Variants in SHISA6 observed in about 807,000 individuals in gnomAD.
SHISA6 encodes shisa family member 6, also known as protein shisa-6.
In SHISA6, 22 loss-of-function variants were observed where a neutral mutation model predicts 47.9. The ratio of observed to expected loss-of-function variants is 0.46; its 90% confidence interval spans 0.33 to 0.66. The LOEUF (loss-of-function observed/expected upper bound fraction) is 0.66. SHISA6 is among the 30% of genes least tolerant of loss of function. The probability of loss-of-function intolerance (pLI) is 0.02; values close to 1 mark genes in which losing one functional copy is unlikely to be tolerated. For missense variants in SHISA6, 680 were observed against 764.6 expected (o/e 0.89, Z 1.30); for synonymous variants, 388 against 337.8 (o/e 1.15, Z -1.63).
chr17:11,561,592 TC>T lies in SHISA6; in HGVS notation c.*3289del, dbSNP rs2072044028. ...AGAAAGTTCCAACCTTGCCCCCAATTCAAATTTCTCCTCCCCTCTTTCCACT... is the reference window on the plus strand; with the variant it reads ...AGAAAGTTCCAACCTTGCCCCCAATTAAATTTCTCCTCCCCTCTTTCCACT... On this transcript the variant is annotated 3_prime_UTR_variant, in exon 6 of 6. Transcript: ENST00000441885. 6.6e-6 allele frequency: 1 copy of T among 152,164 alleles called. No individual in the cohort carries two copies. Among genetic ancestry groups the T allele is most frequent in the African/African-American group, 2.4e-5 (1 of 41,402 alleles). 9.4% of individuals were successfully genotyped at this position (152,164 alleles called of 1,614,324 possible). A position where few individuals can be genotyped will look rare whatever the true frequency, so the allele number is the denominator to read the frequency against.
intron 3 of SHISA6, among the ~76,000 whole-genome samples, chr17:11,517,691 C>CG (rs1205856679): frequency 6.6e-6 from 1 of 151,982 alleles, no homozygotes; most frequent in Admixed American, 6.6e-5. Context: ...TTGGTAGAGA[C>CG]GGGGGTCTTG....
At chr17:11,435,955 C>G (rs1260968928) in intron 3 of SHISA6, among the ~76,000 whole-genome samples, 1 of 152,186 alleles carries the variant, frequency 6.6e-6, no homozygotes, top group Non-Finnish European at 1.5e-5. Context: ...TATGACAAAA[C>G]TATTTCCCTC....
chr17:11,258,955 G>T (rs1908123203), intron 1 of SHISA6, among the ~76,000 whole-genome samples: 1 of 152,186 alleles, frequency 6.6e-6, no homozygotes, highest in Admixed American at 6.5e-5. Flanking sequence ...AGTGTTGGGT[G>T]GAGGGATGAA....
At chr17:11,341,625 C>T (rs952167082) in intron 2 of SHISA6, among the ~76,000 whole-genome samples, 9 of 152,022 alleles carry the variant, frequency 5.9e-5, no homozygotes, top group African/African-American at 1.9e-4. Flanking sequence ...TGAGCCACCG[C>T]GCCTGCCCAG....
At chr17:11,550,672 C>A (rs2071924114) in intron 3 of SHISA6, among the ~76,000 whole-genome samples, 1 of 152,138 alleles carries the variant, frequency 6.6e-6, no homozygotes, top group South Asian at 2.1e-4. Flanking sequence ...AAATGAGGAG[C>A]TCACTTTGGG....
intron 2 of SHISA6, among the ~76,000 whole-genome samples, chr17:11,375,076 C>G (rs186035916): frequency 1.1e-4 from 16 of 152,108 alleles, no homozygotes; most frequent in South Asian, 8.3e-4. Context: ...CTTGAGTGTT[C>G]TCCTTTATTT....
At chr17:11,303,780 A>G (rs1029090784) in intron 2 of SHISA6, among the ~76,000 whole-genome samples, 4 of 152,182 alleles carry the variant, frequency 2.6e-5, no homozygotes, top group African/African-American at 9.7e-5. Flanking sequence ...TCATAATAAA[A>G]GCTCGTTGTA....
chr17:11,377,618 A>G (rs895067730), intron 2 of SHISA6, among the ~76,000 whole-genome samples: 3 of 152,138 alleles, frequency 2.0e-5, no homozygotes, highest in African/African-American at 7.2e-5. Flanking sequence ...CTGGGGTAAG[A>G]GGGAGGGAAT....
chr17:11,501,197 C>T (rs1348934989), intron 3 of SHISA6, among the ~76,000 whole-genome samples: 1 of 151,926 alleles, frequency 6.6e-6, no homozygotes, highest in East Asian at 1.9e-4. Context: ...CCTGCAACCT[C>T]CGCCTCCCAG....
intron 2 of SHISA6, among the ~76,000 whole-genome samples, chr17:11,269,175 G>C (rs1227820327): frequency 6.6e-5 from 10 of 152,008 alleles, no homozygotes; most frequent in Non-Finnish European, 1.2e-4. Context: ...CCAAGTAGCT[G>C]GGACTACAGG....
intron 2 of SHISA6, among the ~76,000 whole-genome samples, chr17:11,367,782 G>A (rs1448162423): frequency 6.6e-6 from 1 of 152,162 alleles, no homozygotes; most frequent in Non-Finnish European, 1.5e-5. Context: ...AAGGAGGCAA[G>A]GAAGGCTCAG....
At chr17:11,435,600 A>C (rs1914914153) in intron 3 of SHISA6, among the ~76,000 whole-genome samples, 1 of 152,162 alleles carries the variant, frequency 6.6e-6, no homozygotes. Flanking sequence ...GACACCCCCA[A>C]ATGCCAGACA....
chr17:11,293,991 T>A (rs1056193567), intron 2 of SHISA6, among the ~76,000 whole-genome samples: 5 of 152,142 alleles, frequency 3.3e-5, no homozygotes, highest in African/African-American at 1.2e-4. Flanking sequence ...GTTCAAGCGA[T>A]TCTCCTGCCT....
At chr17:11,555,616 C>A in intron 4 of SHISA6, 124 bp from the exon 5 acceptor site, 1 of 1,141,562 alleles carries the variant, frequency 8.8e-7, no homozygotes, top group Non-Finnish European at 1.2e-6. Context: ...AATAGTATCA[C>A]CTATGTCCAA....
At chr17:11,537,092 G>A (rs931620541) in intron 3 of SHISA6, among the ~76,000 whole-genome samples, 3 of 152,156 alleles carry the variant, frequency 2.0e-5, no homozygotes, top group East Asian at 1.9e-4. Flanking sequence ...CCAATGTGAT[G>A]CCACTTTTTT....
intron 2 of SHISA6, among the ~76,000 whole-genome samples, chr17:11,345,599 A>G (rs1567579832): frequency 6.6e-6 from 1 of 152,152 alleles, no homozygotes; most frequent in Admixed American, 6.5e-5. Flanking sequence ...CTTCCAATCC[A>G]TGAACGTGGG....
chr17:11,446,213 C>G (rs910693552), intron 3 of SHISA6, among the ~76,000 whole-genome samples: 1 of 152,210 alleles, frequency 6.6e-6, no homozygotes, highest in Non-Finnish European at 1.5e-5. Context: ...GAGGACTCTG[C>G]ATGCAGAGGG....
chr17:11,519,012 G>A (rs536862189), intron 3 of SHISA6, among the ~76,000 whole-genome samples: 1 of 152,236 alleles, frequency 6.6e-6, no homozygotes, highest in East Asian at 1.9e-4. Flanking sequence ...CTCCTCTACA[G>A]AGGAAGTGTG....
chr17:11,443,814 G>T (rs893730649), intron 3 of SHISA6, among the ~76,000 whole-genome samples: 4 of 152,164 alleles, frequency 2.6e-5, no homozygotes, highest in Non-Finnish European at 5.9e-5. Context: ...GCTTAGCAGT[G>T]TCTAGTCCAT....
Sources: gnomAD v4.1 joint callset for allele counts (sites outside exome capture counted in the v4.1 genomes callset) on GRCh38, gnomAD v4.1.1 for gene constraint, MANE v1.5 for transcripts, NCBI Gene and HGNC (gene_info 2026-07-23, HGNC 2026-07-21) for gene names.